Variants in CA13 observed in about 807,000 individuals in gnomAD.
CA13 encodes the protein CA-XIII.
A neutral mutation model predicts 31.5 loss-of-function variants in CA13; 21 were observed. The ratio of observed to expected loss-of-function variants is 0.67; its 90% CI spans 0.47 to 0.96. CA13 has a LOEUF of 0.96. CA13 is among the 40% of genes least tolerant of loss of function. CA13 has a pLI of 0.00. For missense variants in CA13, 315 were observed against 318.9 expected (o/e 0.99, Z 0.09); for synonymous variants, 117 against 111.4 (o/e 1.05, Z -0.32).
At position 85,245,776 on chromosome 8, in the gene CA13, CCT is replaced by C; in HGVS notation, c.-50_-49del. 4 of 1,605,896 alleles carry C rather than the reference CCT, an allele frequency of 2.5e-6. No individual in the cohort carries two copies. The highest frequency in any genetic ancestry group is 3.4e-6 in the Non-Finnish European group (4 of 1,172,780). ...CTTCCCGGGCCCCTCCCCGCTCCCT[CCT>C]CTTTCTCGCTGCTCAGTCACATCTT... On this transcript the variant is annotated 5_prime_UTR_variant, in exon 1 of 7. Transcript: ENST00000321764.
At chr8:85,269,589 G>T (rs550995558) in intron 6 of CA13, among the ~76,000 whole-genome samples, 1 of 152,236 alleles carries the variant, frequency 6.6e-6, no homozygotes, top group South Asian at 2.1e-4. Context: ...ACTTTTGTTG[G>T]GCTGTCTGAG....
chr8:85,266,262 C>T (rs1807455388), intron 3 of CA13, among the ~76,000 whole-genome samples: 1 of 152,194 alleles, frequency 6.6e-6, no homozygotes, highest in African/African-American at 2.4e-5. Context: ...GCAGTCTTAG[C>T]TCACTGCAAC....
chr8:85,251,150 C>T lies in CA13; in HGVS notation c.235+213C>T, dbSNP rs1490199459. 3.9e-5 allele frequency among the ~76,000 whole-genome samples: 6 copies of T among 152,068 alleles called. No homozygotes were observed. The East Asian group carries it at 5.8e-4, about 15-fold the overall frequency. On this transcript the variant is annotated intron_variant, in intron 2 of 6. Transcript: ENST00000321764. The stretch of plus-strand genomic sequence containing the variant: ...CCGAGTAACTGGGATTACAGGCGCA[C>T]GCCACTATACCCAGCTACTTTTTTT...
intron 2 of CA13, among the ~76,000 whole-genome samples, chr8:85,252,289 A>G (rs1807205013): frequency 6.6e-6 from 1 of 152,102 alleles, no homozygotes. Context: ...TAATTTTAAA[A>G]GTTGAATTGT....
chr8:85,254,300 AC>A (rs1807247451), intron 2 of CA13, among the ~76,000 whole-genome samples: 12 of 151,658 alleles, frequency 7.9e-5, no homozygotes, highest in African/African-American at 1.9e-4. Context: ...AAGTAAAGCT[AC>A]CCATTCCTCA....
At chr8:85,255,955 C>G (rs1244424050) in intron 2 of CA13, among the ~76,000 whole-genome samples, 1 of 150,444 alleles carries the variant, frequency 6.6e-6, no homozygotes, top group Non-Finnish European at 1.5e-5. Context: ...TCTCTATGAG[C>G]AACAACTATG....
intron 1 of CA13, among the ~76,000 whole-genome samples, chr8:85,248,943 A>G (rs1227669764): frequency 6.6e-6 from 1 of 152,166 alleles, no homozygotes; most frequent in African/African-American, 2.4e-5. Flanking sequence ...AAGGGGGAAA[A>G]AAGTCTAGGT....
At chr8:85,265,687 A>T (rs1179798400) in intron 3 of CA13, among the ~76,000 whole-genome samples, 4 of 152,218 alleles carry the variant, frequency 2.6e-5, no homozygotes, top group African/African-American at 9.6e-5. Flanking sequence ...TCAAAATGAT[A>T]AGCATTTTTA....
intron 1 of CA13, among the ~76,000 whole-genome samples, chr8:85,247,258 G>T (rs1037049069): frequency 2.6e-5 from 4 of 152,218 alleles, no homozygotes; most frequent in African/African-American, 9.6e-5. Context: ...GCGCCTTTAT[G>T]GTAGTTAGGA....
rs1316530412 is a variant in CA13, at chr8:85,283,496, T to TAAGTTAATATAAC, written c.*2152_*2164dup. The stretch of plus-strand genomic sequence containing the variant: ...TCTCTGCTTGAAATTAAATGCACTA[T>TAAGTTAATATAAC]AAGTTAATATAACAAGTAAAATACA... On this transcript the variant is annotated 3_prime_UTR_variant, in exon 7 of 7. Coordinates refer to ENST00000321764, the MANE Select transcript of CA13 (RefSeq NM_198584.3). The TAAGTTAATATAAC allele has an allele frequency of 2.0e-5, 3 of 152,684 alleles. No homozygotes were observed. The highest frequency in any genetic ancestry group is 2.9e-5 in the Non-Finnish European group (2 of 68,050). The allele number at this position is 152,684 out of a possible 1,614,324, so 9.5% of individuals were successfully genotyped here.
At chr8:85,277,871 C>A (rs534492759) in intron 6 of CA13, among the ~76,000 whole-genome samples, 1 of 152,298 alleles carries the variant, frequency 6.6e-6, no homozygotes, top group East Asian at 1.9e-4. Flanking sequence ...TGTCTCCCAG[C>A]CAGCTCTCTT....
intron 2 of CA13, among the ~76,000 whole-genome samples, chr8:85,252,460 G>A (rs1002568673): frequency 7.2e-5 from 11 of 151,924 alleles, no homozygotes; most frequent in Admixed American, 2.0e-4. Flanking sequence ...TAATCATTTC[G>A]TTTAATGATT....
Position 85,264,405 on chromosome 8 carries a change from G to A in CA13, c.355-2203G>A, listed in dbSNP as rs532568213. 2.6e-5 allele frequency among the ~76,000 whole-genome samples: 4 copies of A among 152,028 alleles called. No individual in the cohort carries two copies. The South Asian group carries it at 8.3e-4, about 32-fold the overall frequency. ...TTCTTGTCATTCAGTTCAAATCACTGCTCTTGTCATTGTTAGTCAGGAAAT... is the reference window on the plus strand; with the variant it reads ...TTCTTGTCATTCAGTTCAAATCACTACTCTTGTCATTGTTAGTCAGGAAAT... On this transcript the variant is annotated intron_variant, in intron 3 of 6. Transcript: ENST00000321764.
intron 2 of CA13, 151 bp downstream of exon 2, chr8:85,251,088 G>A (rs1045966687): frequency 6.0e-6 from 4 of 665,730 alleles, no homozygotes; most frequent in East Asian, 2.7e-5. Context: ...TGCAACCTCC[G>A]CCTCCTAAGT....
At position 85,266,716 on chromosome 8, in the gene CA13, T is replaced by C. The variant is rs755322801; in HGVS notation, c.450+13T>C. The stretch of plus-strand genomic sequence containing the variant: ...AGTGTTTTTACAGGTGAGAATCTAC[T>C]GTTTTCATTTTAAATGATCAGCCTT... On this transcript the variant is annotated intron_variant, in intron 4 of 6. Transcript: ENST00000321764. 1 of 1,594,542 alleles carries C rather than the reference T, an allele frequency of 6.3e-7. No individual in the cohort carries two copies. The highest frequency in any genetic ancestry group is 2.2e-5 in the East Asian group (1 of 44,766).
Position 85,245,740 on chromosome 8 carries a change from C to T in CA13, c.-89C>T. On this transcript the variant is annotated 5_prime_UTR_variant, in exon 1 of 7. Coordinates refer to ENST00000321764, the MANE Select transcript of CA13 (RefSeq NM_198584.3). ...GCCGCCGGCGCCCCGCGGTCCCGCC[C>T]TAGCAGGCTCCTTCCCGGGCCCCTC... 6.7e-7 allele frequency: 1 copy of T among 1,500,290 alleles called. No individual in the cohort carries two copies. 92.9% of individuals were successfully genotyped at this position (1,500,290 alleles called of 1,614,324 possible).
At chr8:85,250,965 G>T (rs1438825777) in intron 2 of CA13, 28 bp downstream of exon 2, 1 of 1,552,820 alleles carries the variant, frequency 6.4e-7, no homozygotes, top group Non-Finnish European at 8.9e-7. Context: ...TGTGTGTGTG[G>T]TGGTGGATGA....
chr8:85,276,955 G>A (rs900397992), intron 6 of CA13, among the ~76,000 whole-genome samples: 14 of 152,088 alleles, frequency 9.2e-5, no homozygotes, highest in Non-Finnish European at 1.9e-4. Flanking sequence ...TGCACCAATC[G>A]ACACTCTGTA....
At chr8:85,279,658 T>C (rs1807668480) in intron 6 of CA13, among the ~76,000 whole-genome samples, 1 of 152,100 alleles carries the variant, frequency 6.6e-6, no homozygotes, top group Admixed American at 6.5e-5. Context: ...AAAGCCAACG[T>C]CTTCAGAAGA....
Sources: allele counts gnomAD v4.1 joint callset (sites outside exome capture counted in the v4.1 genomes callset), GRCh38; gene constraint gnomAD v4.1.1; transcripts MANE v1.5; gene names NCBI Gene and HGNC (gene_info 2026-07-23, HGNC 2026-07-21).